The following ST18 variants were observed in gnomAD, a reference collection of about 807,000 sequenced individuals.
The protein encoded by ST18 is ST18 C2H2C-type zinc finger transcription factor, also known as suppression of tumorigenicity 18 protein.
A neutral mutation model predicts 110.0 loss-of-function variants in ST18; 50 were observed. The observed-to-expected ratio is 0.45, with a 90% CI of 0.36 to 0.58. The LOEUF is 0.58. ST18 is among the 20% of genes least tolerant of loss of function. The pLI is 0.00. For synonymous variants in ST18, 461 were observed against 452.4 expected (o/e 1.02, Z -0.24); for missense variants, 1,306 against 1,280.1 (o/e 1.02, Z -0.31).
At chr8:52,389,316 T>C (rs1183386109) in intron 2 of ST18, among the ~76,000 whole-genome samples, 1 of 152,114 alleles carries the variant, frequency 6.6e-6, no homozygotes, top group African/African-American at 2.4e-5. Flanking sequence ...AGGCTAGCAG[T>C]GGAGGTTTGC....
chr8:52,360,927 G>A (rs1414681405), intron 2 of ST18, among the ~76,000 whole-genome samples: 2 of 152,138 alleles, frequency 1.3e-5, no homozygotes, highest in Non-Finnish European at 2.9e-5. Context: ...ACACAAATTT[G>A]AGTGACTGCC....
chr8:52,405,429 C>T (rs2141151391), intron 2 of ST18: 1 of 152,350 alleles, frequency 6.6e-6, no homozygotes, highest in Admixed American at 6.5e-5. Flanking sequence ...AGTGAGATGA[C>T]TCATGCCACC....
Position 52,180,194 on chromosome 8 carries a change from C to T in ST18, c.205G>A (p.Asp69Asn). The T allele has an allele frequency of 6.2e-7, 1 of 1,614,134 alleles. No homozygotes were observed. Among genetic ancestry groups the T allele is most frequent in the South Asian group, 1.1e-5 (1 of 91,064 alleles). The change falls in exon 9 of 26, where the codon GAC becomes AAC. Residue 69 changes from aspartate (D) to asparagine (N), a missense_variant. Transcript: ENST00000689386. ...CTGTCACTGCGGTCTTCTTGGCAGT[C>T]TGCTTTTGGGCTGTAGTGTCGGGGC... ...MKPRHYSPKA[D>N]CQEDRSDRTE... is the part of the protein sequence containing the mutation.
Position 52,180,238 on chromosome 8 carries a change from C to T in ST18, c.161G>A (p.Arg54Lys). Residue 54 changes from arginine (R) to lysine (K), a missense_variant, in exon 9 of 26, where the codon AGG becomes AAG. Coordinates refer to ENST00000689386, the MANE Select transcript of ST18 (RefSeq NM_001352837.2). Reference protein sequence around the residue: ...DQALGVPVNKRKSLLMKPRHY... With the variant: ...DQALGVPVNKKKSLLMKPRHY... ...TCGGGGCTTCATTAGCAGGGATTTC[C>T]TTTTGTTGACTGGAACCCCCAAAGC... 1.2e-6 allele frequency: 2 copies of T among 1,614,202 alleles called. No individual in the cohort carries two copies. The highest frequency in any genetic ancestry group is 1.7e-6 in the Non-Finnish European group (2 of 1,180,028).
intron 15 of ST18, 56 bp downstream of exon 15, chr8:52,158,842 G>C: frequency 6.3e-7 from 1 of 1,592,740 alleles, no homozygotes. Context: ...ATGAAAGGCA[G>C]TTTATTCTCA....
intron 8 of ST18, among the ~76,000 whole-genome samples, chr8:52,188,436 G>A (rs191788783): frequency 5.8e-4 from 88 of 152,288 alleles, no homozygotes; most frequent in East Asian, 5.0e-3. Context: ...ATCTGAAGGC[G>A]AACACAAAGG....
chr8:52,188,459 G>A (rs138933497), intron 8 of ST18, among the ~76,000 whole-genome samples: 43 of 152,334 alleles, frequency 2.8e-4, no homozygotes, highest in African/African-American at 9.9e-4. Flanking sequence ...CAGGCACAGT[G>A]AAGGAGGAGG....
intron 19 of ST18, among the ~76,000 whole-genome samples, chr8:52,135,310 C>T (rs894145348): frequency 3.3e-5 from 5 of 151,962 alleles, no homozygotes; most frequent in African/African-American, 1.2e-4. Flanking sequence ...CATATAATCC[C>T]AGCACTTTAG....
intron 2 of ST18, among the ~76,000 whole-genome samples, chr8:52,296,109 T>C (rs1048740799): frequency 6.6e-6 from 1 of 152,198 alleles, no homozygotes; most frequent in African/African-American, 2.4e-5. Context: ...CATTTTGTTT[T>C]AACATCATGC....
chr8:52,367,236 T>TCACACACACACA (rs748933981), intron 2 of ST18, among the ~76,000 whole-genome samples: 2,360 of 120,256 alleles, frequency 0.02, 43 homozygotes, highest in African/African-American at 0.041. Flanking sequence ...GGACCCTGTC[T>TCACACACACACA]CACACACACA....
At chr8:52,367,894 A>G (rs1828766319) in intron 2 of ST18, among the ~76,000 whole-genome samples, 1 of 152,152 alleles carries the variant, frequency 6.6e-6, no homozygotes, top group Non-Finnish European at 1.5e-5. Context: ...TGTTTTCTTG[A>G]CCTTTTAAGT....
chr8:52,391,903 G>A (rs559129281), intron 2 of ST18, among the ~76,000 whole-genome samples: 1 of 152,312 alleles, frequency 6.6e-6, no homozygotes, highest in South Asian at 2.1e-4. Flanking sequence ...GGCAGGAAAA[G>A]GGAAGAAGGG....
At chr8:52,368,194 AT>A (rs1335075963) in intron 2 of ST18, among the ~76,000 whole-genome samples, 2 of 152,078 alleles carry the variant, frequency 1.3e-5, no homozygotes, top group Non-Finnish European at 2.9e-5. Context: ...TTCATTAAGC[AT>A]CCCTAACACC....
In ST18 at chr8:52,116,318, T is replaced by C. The variant is rs368520409; in HGVS notation, c.2960A>G (p.Gln987Arg). 2 of 1,614,016 alleles carry C rather than the reference T, an allele frequency of 1.2e-6. No homozygotes were observed. Among genetic ancestry groups the C allele is most frequent in the Non-Finnish European group, 1.7e-6 (2 of 1,179,950 alleles). ...GTCAGCAAGGCTTGAAATGAGAGCT[T>C]GGCTTAGACCTGCCAGCTCTTTCAG... ...SLLKELAGLS[Q>R]ALISSLADIQ... The change falls in exon 25 of 26, where the codon CAA becomes CGA. Residue 987 changes from glutamine (Q) to arginine (R), a missense_variant. Physicochemically the swap from Gln to Arg is conservative, Grantham distance 43 (BLOSUM62 1). Coordinates refer to ENST00000689386, the MANE Select transcript of ST18 (RefSeq NM_001352837.2).
intron 8 of ST18, among the ~76,000 whole-genome samples, chr8:52,196,525 G>A (rs77950757): frequency 0.011 from 1,599 of 152,146 alleles, 36 homozygotes; most frequent in African/African-American, 0.037. Context: ...ATTTTCCATG[G>A]TTTCAGTTGA....
chr8:52,309,984 G>C (rs746297049), intron 2 of ST18, among the ~76,000 whole-genome samples: 1 of 152,140 alleles, frequency 6.6e-6, no homozygotes, highest in Non-Finnish European at 1.5e-5. Flanking sequence ...TGGGGAGAGG[G>C]AAAGACAGAA....
chr8:52,401,354 C>A (rs1050954806), intron 2 of ST18, among the ~76,000 whole-genome samples: 10 of 152,134 alleles, frequency 6.6e-5, no homozygotes, highest in African/African-American at 2.4e-4. Context: ...CATAAATCTG[C>A]ATGTCCATTT....
intron 2 of ST18, among the ~76,000 whole-genome samples, chr8:52,391,123 C>T (rs541878928): frequency 1.3e-5 from 2 of 152,302 alleles, no homozygotes; most frequent in Admixed American, 6.5e-5. Flanking sequence ...AGCTGGCCCA[C>T]GCTGCTTCCT....
At chr8:52,365,978 T>C (rs1827773537) in intron 2 of ST18, among the ~76,000 whole-genome samples, 1 of 152,020 alleles carries the variant, frequency 6.6e-6, no homozygotes, top group Non-Finnish European at 1.5e-5. Context: ...AGGCACAGTT[T>C]TGAGTGTATC....
Sources: gnomAD v4.1 joint callset for allele counts (sites outside exome capture counted in the v4.1 genomes callset) on GRCh38, gnomAD v4.1.1 for gene constraint, MANE v1.5 for transcripts, NCBI Gene and HGNC (gene_info 2026-07-23, HGNC 2026-07-21) for gene names.